The following OSBPL3 variants were observed in gnomAD, a reference collection of about 807,000 sequenced individuals.
OSBPL3 encodes oxysterol-binding protein-related protein 3.
In OSBPL3, 65 loss-of-function variants were observed where a neutral mutation model predicts 120.1. The ratio of observed to expected loss-of-function variants is 0.54; its 90% CI spans 0.44 to 0.67. The LOEUF (loss-of-function observed/expected upper bound fraction) is 0.67. Ranked by LOEUF, OSBPL3 falls within the 30% of genes least tolerant of loss-of-function variation. The pLI, the probability that OSBPL3 is intolerant of heterozygous loss-of-function variation, is 0.00. For synonymous variants in OSBPL3, 416 were observed against 402.6 expected (o/e 1.03, Z -0.40); for missense variants, 1,004 against 1,082.1 (o/e 0.93, Z 1.01).
chr7:24,944,140 G>A (rs1450499393), intron 1 of OSBPL3, among the ~76,000 whole-genome samples: 1 of 149,440 alleles, frequency 6.7e-6, no homozygotes, highest in Non-Finnish European at 1.5e-5. Flanking sequence ...AAGATTAAAA[G>A]TTATCTTGAC....
intron 2 of OSBPL3, among the ~76,000 whole-genome samples, chr7:24,886,497 CT>C (rs1161199313): frequency 6.6e-6 from 1 of 152,218 alleles, no homozygotes; most frequent in African/African-American, 2.4e-5. Flanking sequence ...AATCTGTGGG[CT>C]TTTTGCTCCC....
chr7:24,854,502 GCACACACACACA>G lies in OSBPL3; in HGVS notation c.1028-1880_1028-1869del, dbSNP rs70942889. 1.1e-3 allele frequency among the ~76,000 whole-genome samples: 140 copies of G among 131,588 alleles called. 1 individual carries two copies. The Middle Eastern group carries it at 0.017, about 16-fold the overall frequency. The allele number at this position is 131,588 out of a possible 152,430, so 86.3% of individuals were successfully genotyped here. A position where few individuals can be genotyped will look rare whatever the true frequency, so the allele number is the denominator to read the frequency against. On this transcript the variant is annotated intron_variant, in intron 10 of 22. Coordinates refer to ENST00000313367, the MANE Select transcript of OSBPL3 (RefSeq NM_015550.4). This position sits in a 1 kb window ranked among gnomAD's most constrained non-coding sequence, Gnocchi z 4.1. The stretch of plus-strand genomic sequence containing the variant: ...CACAACAATTTGTACACACACACAC[GCACACACACACA>G]CACACACACACACACACACACACAA...
chr7:24,841,989 G>A (rs1797835443), intron 13 of OSBPL3, among the ~76,000 whole-genome samples: 1 of 151,462 alleles, frequency 6.6e-6, no homozygotes, highest in South Asian at 2.1e-4. Context: ...CTTCAGCCTG[G>A]ACAACAGAGC....
Position 24,840,679 on chromosome 7 carries a change from GT to G in OSBPL3, c.1495+10del. ...CCAAACTTTTCAGAGATTAAATAATGTAAATCTTACCCAAGGTCTGTCTCTC... is the reference window on the plus strand; with the variant it reads ...CCAAACTTTTCAGAGATTAAATAATGAAATCTTACCCAAGGTCTGTCTCTC... On this transcript the variant is annotated intron_variant, in intron 14 of 22. Coordinates refer to ENST00000313367, the MANE Select transcript of OSBPL3 (RefSeq NM_015550.4). The G allele has an allele frequency of 8.4e-7, 1 of 1,185,948 alleles. No homozygotes were observed. Among genetic ancestry groups the G allele is most frequent in the Non-Finnish European group, 1.2e-6 (1 of 827,766 alleles). The allele number at this position is 1,185,948 out of a possible 1,614,324, so 73.5% of individuals were successfully genotyped here.
At chr7:24,866,773 T>C (rs991915481) in intron 5 of OSBPL3, among the ~76,000 whole-genome samples, 1 of 152,216 alleles carries the variant, frequency 6.6e-6, no homozygotes, top group Non-Finnish European at 1.5e-5. Flanking sequence ...TTATAAAGTA[T>C]GTATTTTGGC....
chr7:24,867,637 G>A lies in OSBPL3; in HGVS notation c.382-1400C>T, dbSNP rs1172977246. ...CTCCTATTTGCCTTCTGCCATGACTGTGAGACCTCCCCAGCCATGTGGAAC... is the reference window on the plus strand; with the variant it reads ...CTCCTATTTGCCTTCTGCCATGACTATGAGACCTCCCCAGCCATGTGGAAC... On this transcript the variant is annotated intron_variant, in intron 5 of 22. Coordinates refer to ENST00000313367, the MANE Select transcript of OSBPL3 (RefSeq NM_015550.4). This position sits in a 1 kb window ranked among gnomAD's most constrained non-coding sequence, Gnocchi z 4.5. Among the ~76,000 whole-genome samples the A allele has an allele frequency of 6.6e-6, 1 of 152,170 alleles. No homozygotes were observed. The highest frequency in any genetic ancestry group is 6.5e-5 in the Admixed American group (1 of 15,272).
intron 1 of OSBPL3, among the ~76,000 whole-genome samples, chr7:24,895,117 C>T (rs1480085754): frequency 6.6e-6 from 1 of 152,190 alleles, no homozygotes; most frequent in Non-Finnish European, 1.5e-5. Context: ...TGCCTAGCCT[C>T]ATCAGGAATT....
At position 24,819,102 on chromosome 7, in the gene OSBPL3, A is replaced by T. The variant is rs1173020884; in HGVS notation, c.1948+1073T>A. Among the ~76,000 whole-genome samples the T allele has an allele frequency of 2.0e-5, 3 of 151,964 alleles. No individual in the cohort carries two copies. The highest frequency in any genetic ancestry group is 2.0e-4 in the Admixed American group (3 of 15,254). The stretch of plus-strand genomic sequence containing the variant: ...ACCCCATCTCTACTAAAAATACAAA[A>T]ATTAGCTGGGCATAGTGGCGCATGC... On this transcript the variant is annotated intron_variant, in intron 17 of 22. Transcript: ENST00000313367. The surrounding 1 kb of genome is among the most constrained non-coding windows in gnomAD (Gnocchi z 4.1).
chr7:24,914,387 TGTGGCCA>T (rs1266289824), intron 1 of OSBPL3, among the ~76,000 whole-genome samples: 3 of 152,058 alleles, frequency 2.0e-5, no homozygotes, highest in African/African-American at 4.8e-5. Context: ...GCACATGAAA[TGTGGCCA>T]GTGCAACTAA....
Position 24,883,830 on chromosome 7 carries a change from C to T in OSBPL3, c.96+8547G>A, listed in dbSNP as rs1045683732. On this transcript the variant is annotated intron_variant, in intron 2 of 22. Transcript: ENST00000313367. The surrounding 1 kb of genome is among the most constrained non-coding windows in gnomAD (Gnocchi z 5.4). ...ATGTCATTTGAGCTGATACTTTAAC[C>T]TCTTCTGATATCAAATGTTTGTTTG... Among the ~76,000 whole-genome samples the T allele has an allele frequency of 2.0e-5, 3 of 152,158 alleles. No individual in the cohort carries two copies. Among genetic ancestry groups the T allele is most frequent in the African/African-American group, 7.2e-5 (3 of 41,444 alleles).
chr7:24,850,777 A>C (rs1166771698), intron 11 of OSBPL3, among the ~76,000 whole-genome samples: 3 of 152,258 alleles, frequency 2.0e-5, no homozygotes, highest in African/African-American at 7.2e-5. Flanking sequence ...TGTAAGCCAC[A>C]GGCAGAAGAA....
intron 1 of OSBPL3, among the ~76,000 whole-genome samples, chr7:24,951,614 C>T (rs1246411740): frequency 2.0e-5 from 3 of 152,180 alleles, no homozygotes; most frequent in Admixed American, 1.3e-4. Flanking sequence ...TACCCACACA[C>T]ACAGGATTTT....
At chr7:24,850,809 A>G (rs1235314196) in intron 11 of OSBPL3, among the ~76,000 whole-genome samples, 2 of 152,246 alleles carry the variant, frequency 1.3e-5, no homozygotes, top group East Asian at 1.9e-4. Flanking sequence ...AACACTGTGC[A>G]TACAGCACCG....
At chr7:24,865,052 C>G (rs866493267) in intron 7 of OSBPL3, among the ~76,000 whole-genome samples, 1 of 152,210 alleles carries the variant, frequency 6.6e-6, no homozygotes, top group African/African-American at 2.4e-5. Context: ...GTGTCAGACT[C>G]TGCCCTTGGA....
At position 24,830,791 on chromosome 7, in the gene OSBPL3, C is replaced by A. The variant is rs752641287; in HGVS notation, c.1861G>T (p.Gly621Cys). The stretch of plus-strand genomic sequence containing the variant: ...ACCTGTTCTGAAAAAAACTGGAAGC[C>A]CTTGTCCTCCCGAATACATTCATAT... ...ETYECIREDK[G>C]FQFFSEQVSH... Residue 621 changes from glycine (G) to cysteine (C), a missense_variant, in exon 16 of 23, where the codon GGC becomes TGC. By Grantham distance (159) the Gly-to-Cys change is radical (BLOSUM62 -3). Around this residue, in one of 4 missense-constraint regions of OSBPL3, gnomAD observed 473 missense variants for 568.0 expected, o/e 0.83. Transcript: ENST00000313367. This position sits in a 1 kb window ranked among gnomAD's most constrained non-coding sequence, Gnocchi z 4.4. 13 of 1,612,844 alleles carry A rather than the reference C, an allele frequency of 8.1e-6. No homozygotes were observed. Among genetic ancestry groups the A allele is most frequent in the Non-Finnish European group, 1.0e-5 (12 of 1,179,738 alleles).
chr7:24,810,230 T>TA, intron 19 of OSBPL3: 1 of 276,036 alleles, frequency 3.6e-6, no homozygotes, highest in South Asian at 5.4e-5. Flanking sequence ...TGATAACACT[T>TA]AACTCTCTCA....
rs748275489 is a variant in OSBPL3 at position 24,809,979 on chromosome 7, G to A, written c.2173-28C>T. 11 of 1,613,084 alleles carry A rather than the reference G, an allele frequency of 6.8e-6. No individual in the cohort carries two copies. In the African/African-American group the frequency reaches 1.5e-4, roughly 22 times the overall value. ...AGGATTCAAATGAGTTGTTGGCTTA[G>A]TCCTTTAGCATCAGCTTATTACAGA... On this transcript the variant is annotated intron_variant, in intron 19 of 22. Transcript: ENST00000313367.
rs751905573 is a variant in OSBPL3, at chr7:24,806,948, T to C, written c.2318-46A>G. 1 of 1,519,084 alleles carries C rather than the reference T, an allele frequency of 6.6e-7. No individual in the cohort carries two copies. Among genetic ancestry groups the C allele is most frequent in the Non-Finnish European group, 8.9e-7 (1 of 1,122,708 alleles). The allele number at this position is 1,519,084 out of a possible 1,614,324, so 94.1% of individuals were successfully genotyped here. A position where few individuals can be genotyped will look rare whatever the true frequency, so the allele number is the denominator to read the frequency against. On this transcript the variant is annotated intron_variant, in intron 20 of 22. Coordinates refer to ENST00000313367, the MANE Select transcript of OSBPL3 (RefSeq NM_015550.4). The surrounding 1 kb of genome is among the most constrained non-coding windows in gnomAD (Gnocchi z 5.2). ...TCACCCCTAACTTGCATGTTACTTA[T>C]GTTACATTTTAATTCCTTCACCTTT...
At chr7:24,823,088 T>C (rs1195018763) in intron 16 of OSBPL3, among the ~76,000 whole-genome samples, 1 of 152,212 alleles carries the variant, frequency 6.6e-6, no homozygotes, top group Non-Finnish European at 1.5e-5. Flanking sequence ...GCTGCACTAG[T>C]GTCCGGGAAC....
Sources: gnomAD v4.1 joint callset for allele counts (sites outside exome capture counted in the v4.1 genomes callset) on GRCh38, gnomAD v4.1.1 for gene constraint, gnomAD v4.1.1 regional missense constraint, Gnocchi (gnomAD v3.1) non-coding constraint, MANE v1.5 for transcripts, NCBI Gene and HGNC (gene_info 2026-07-23, HGNC 2026-07-21) for gene names.